Variants in GLIS1 observed in about 807,000 individuals in gnomAD.
GLIS1 encodes the protein GLIS family zinc finger 1, also known as zinc finger protein GLIS1.
In GLIS1, 24 loss-of-function variants were observed where a neutral mutation model predicts 63.8. That is an observed-to-expected ratio of 0.38 (90% CI 0.27 to 0.53). GLIS1 has a LOEUF of 0.53. Among genes scored for constraint, GLIS1 ranks in the 20% least tolerant of loss-of-function variants. The pLI is 0.85. For missense variants in GLIS1, 1,036 were observed against 1,074.1 expected (o/e 0.96, Z 0.50); for synonymous variants, 450 against 482.5 (o/e 0.93, Z 0.88).
At chr1:53,509,051 T>G (rs569341897) in intron 10 of GLIS1, 69 bp downstream of exon 10, 1 of 1,426,540 alleles carries the variant, frequency 7.0e-7, no homozygotes, top group South Asian at 1.4e-5. Flanking sequence ...ACAGCACGTA[T>G]GCAGCACCCA....
intron 2 of GLIS1, among the ~76,000 whole-genome samples, chr1:53,614,768 T>C (rs983376613): frequency 1.3e-5 from 2 of 151,488 alleles, no homozygotes; most frequent in Non-Finnish European, 2.9e-5. Context: ...ATTTGTCAGA[T>C]CTCACAGAAT....
intron 2 of GLIS1, among the ~76,000 whole-genome samples, chr1:53,733,052 T>C (rs746437528): frequency 2.3e-4 from 35 of 152,218 alleles, no homozygotes; most frequent in Non-Finnish European, 4.7e-4. Flanking sequence ...CAAACTTTAG[T>C]TTCTCCCCTC....
At chr1:53,679,847 C>T (rs138564957) in intron 2 of GLIS1, among the ~76,000 whole-genome samples, 190 of 152,326 alleles carry the variant, frequency 1.2e-3, no homozygotes, top group African/African-American at 4.3e-3. Context: ...CTCTCCAGCT[C>T]GTTGGTCCTT....
intron 2 of GLIS1, among the ~76,000 whole-genome samples, chr1:53,679,030 C>T (rs1646246091): frequency 6.6e-6 from 1 of 152,228 alleles, no homozygotes; most frequent in African/African-American, 2.4e-5. Context: ...CCTCTCATGT[C>T]CTCTTCCCAC....
intron 2 of GLIS1, among the ~76,000 whole-genome samples, chr1:53,675,525 G>A (rs1424370806): frequency 1.3e-5 from 2 of 152,130 alleles, no homozygotes; most frequent in African/African-American, 4.8e-5. Context: ...ATCTCCCAAG[G>A]CAAGAAAAAT....
intron 2 of GLIS1, among the ~76,000 whole-genome samples, chr1:53,708,329 G>A (rs1646603314): frequency 6.6e-6 from 1 of 152,090 alleles, no homozygotes; most frequent in African/African-American, 2.4e-5. Context: ...GCTTGACAGA[G>A]TGTACTCAGT....
chr1:53,614,101 G>C (rs191751764), intron 2 of GLIS1, among the ~76,000 whole-genome samples: 1 of 152,192 alleles, frequency 6.6e-6, no homozygotes, highest in Admixed American at 6.5e-5. Context: ...GATATTGAAT[G>C]CCTACTATAT....
intron 2 of GLIS1, among the ~76,000 whole-genome samples, chr1:53,713,815 A>T (rs574950786): frequency 6.6e-6 from 1 of 152,336 alleles, no homozygotes; most frequent in East Asian, 1.9e-4. Flanking sequence ...AGTAAAGGAA[A>T]GAGATAAAGG....
chr1:53,678,338 G>T (rs1557517452), intron 2 of GLIS1, among the ~76,000 whole-genome samples: 1 of 134,436 alleles, frequency 7.4e-6, no homozygotes, highest in Admixed American at 7.4e-5. Flanking sequence ...AGGGGGGGGG[G>T]GTGGGGGGCA....
intron 4 of GLIS1, among the ~76,000 whole-genome samples, chr1:53,566,397 T>C (rs1034981482): frequency 1.3e-5 from 2 of 152,204 alleles, no homozygotes; most frequent in East Asian, 1.9e-4. Context: ...GGTTGCAAGA[T>C]ACAAGGTTAG....
chr1:53,611,964 G>C (rs1269511959), intron 2 of GLIS1, among the ~76,000 whole-genome samples: 1 of 152,142 alleles, frequency 6.6e-6, no homozygotes, highest in Non-Finnish European at 1.5e-5. Flanking sequence ...CTCCCAAGTA[G>C]CTGGGACTAC....
intron 4 of GLIS1, among the ~76,000 whole-genome samples, chr1:53,538,517 G>T (rs1418436271): frequency 1.3e-5 from 2 of 152,162 alleles, no homozygotes; most frequent in Admixed American, 1.3e-4. Context: ...CCAGTGCCGA[G>T]GTCTGTGCCC....
At chr1:53,665,085 T>C (rs920060725) in intron 2 of GLIS1, among the ~76,000 whole-genome samples, 1 of 152,104 alleles carries the variant, frequency 6.6e-6, no homozygotes, top group Admixed American at 6.5e-5. Context: ...AGAGCCTATA[T>C]AGCAGGGAGG....
chr1:53,557,799 T>C (rs1490272938), intron 4 of GLIS1, among the ~76,000 whole-genome samples: 2 of 152,262 alleles, frequency 1.3e-5, no homozygotes, highest in Non-Finnish European at 2.9e-5. Flanking sequence ...AGTACCTAAA[T>C]GGTTTTTATC....
At chr1:53,629,065 G>C (rs933180673) in intron 2 of GLIS1, among the ~76,000 whole-genome samples, 1 of 151,988 alleles carries the variant, frequency 6.6e-6, no homozygotes, top group African/African-American at 2.4e-5. Context: ...ACACACATGG[G>C]GACATGTACA....
intron 2 of GLIS1, among the ~76,000 whole-genome samples, chr1:53,668,696 A>G (rs1423638271): frequency 1.3e-5 from 2 of 152,156 alleles, no homozygotes; most frequent in Non-Finnish European, 2.9e-5. Flanking sequence ...ACAAATACTT[A>G]CCATTGTGTT....
intron 3 of GLIS1, 119 bp downstream of exon 3, chr1:53,599,982 G>A: frequency 2.0e-6 from 1 of 492,544 alleles, no homozygotes; most frequent in Non-Finnish European, 3.2e-6. Context: ...TGAGCTACGG[G>A]CCCCTCGTGC....
At position 53,721,137 on chromosome 1, in the gene GLIS1, T is replaced by C. The variant is rs149241119; in HGVS notation, c.259+16669A>G. Among the ~76,000 whole-genome samples the C allele has an allele frequency of 4.5e-3, 681 of 152,072 alleles. 2 individuals carry two copies. Among genetic ancestry groups the C allele is most frequent in the African/African-American group, 0.016 (660 of 41,520 alleles). ...TATAAAATAAATAAAAATCATGTAT[T>C]GAATGACTGAAAGGAAAAAAAAAGA... On this transcript the variant is annotated intron_variant, in intron 2 of 10. Coordinates refer to ENST00000628545, the MANE Select transcript of GLIS1 (RefSeq NM_001367484.1).
intron 4 of GLIS1, among the ~76,000 whole-genome samples, chr1:53,572,027 C>T (rs983716877): frequency 2.6e-5 from 4 of 152,244 alleles, no homozygotes; most frequent in Middle Eastern, 6.8e-3. Context: ...AAGAAAGCAG[C>T]GAACACTAAA....
Sources: gnomAD v4.1 joint callset for allele counts (sites outside exome capture counted in the v4.1 genomes callset) on GRCh38, gnomAD v4.1.1 for gene constraint, MANE v1.5 for transcripts, NCBI Gene and HGNC (gene_info 2026-07-23, HGNC 2026-07-21) for gene names.